The following LHFPL3 variants were observed in gnomAD, a reference collection of about 807,000 sequenced individuals.
The protein encoded by LHFPL3 is LHFPL tetraspan subfamily member 3, also known as LHFPL tetraspan subfamily member 3 protein.
In LHFPL3, 5 loss-of-function variants were observed where a neutral mutation model predicts 19.3. The observed-to-expected ratio is 0.26, with a 90% CI of 0.14 to 0.54. The LOEUF (loss-of-function observed/expected upper bound fraction) is 0.54, where lower values mean the gene tolerates loss of function less well. LHFPL3 is among the 20% of genes least tolerant of loss of function. The probability of loss-of-function intolerance (pLI) is 0.94; values close to 1 mark genes in which losing one functional copy is unlikely to be tolerated. For synonymous variants in LHFPL3, 133 were observed against 126.2 expected (o/e 1.05, Z -0.36); for missense variants, 249 against 307.4 (o/e 0.81, Z 1.42).
chr7:104,334,271 G>T (rs933493061), intron 1 of LHFPL3, among the ~76,000 whole-genome samples: 1 of 152,204 alleles, frequency 6.6e-6, no homozygotes, highest in East Asian at 1.9e-4. Flanking sequence ...GTTGGGCTGG[G>T]TGCAGTGGCT....
intron 1 of LHFPL3, among the ~76,000 whole-genome samples, chr7:104,685,175 C>G (rs546988114): frequency 6.6e-6 from 1 of 152,042 alleles, no homozygotes; most frequent in East Asian, 1.9e-4. Flanking sequence ...GATGAAACCC[C>G]ATCTCTACTA....
At chr7:104,795,090 T>G (rs1199886015) in intron 2 of LHFPL3, among the ~76,000 whole-genome samples, 1 of 152,214 alleles carries the variant, frequency 6.6e-6, no homozygotes, top group African/African-American at 2.4e-5. Context: ...CTGATTCTAC[T>G]AAGCCACCTG....
At chr7:104,597,138 CAAT>C (rs1390599919) in intron 1 of LHFPL3, among the ~76,000 whole-genome samples, 1 of 152,150 alleles carries the variant, frequency 6.6e-6, no homozygotes, top group African/African-American at 2.4e-5. Flanking sequence ...GATGTAACAA[CAAT>C]AATATTTTGC....
At chr7:104,898,332 G>A (rs1038532066) in intron 2 of LHFPL3, among the ~76,000 whole-genome samples, 6 of 151,952 alleles carry the variant, frequency 3.9e-5, no homozygotes, top group Admixed American at 1.3e-4. Flanking sequence ...TATATAGCCA[G>A]TACCACCCAT....
chr7:104,453,497 T>A (rs1444962514), intron 1 of LHFPL3, among the ~76,000 whole-genome samples: 1 of 151,982 alleles, frequency 6.6e-6, no homozygotes, highest in South Asian at 2.1e-4. Flanking sequence ...CATTCCTGGG[T>A]TGTAGAAAAT....
At chr7:104,894,188 T>C (rs1009552617) in intron 2 of LHFPL3, among the ~76,000 whole-genome samples, 9 of 152,116 alleles carry the variant, frequency 5.9e-5, no homozygotes, top group African/African-American at 2.2e-4. Flanking sequence ...CTACTCAGAG[T>C]CCTAATCAGT....
rs1007310638 is a variant in LHFPL3, at chr7:104,499,583, C to G, written c.445+170359C>G. On this transcript the variant is annotated intron_variant, in intron 1 of 2. Transcript: ENST00000424859. ...GAAAGTACTTCAAGAGAATGAGGGACTTCTTTGTGTTAGCTTTTGGTGCTC... is the reference window on the plus strand; with the variant it reads ...GAAAGTACTTCAAGAGAATGAGGGAGTTCTTTGTGTTAGCTTTTGGTGCTC... Among the ~76,000 whole-genome samples, 2 of 152,180 alleles carry G rather than the reference C, an allele frequency of 1.3e-5. 1 individual carries two copies. The highest frequency in any genetic ancestry group is 4.1e-4 in the South Asian group (2 of 4,832).
intron 1 of LHFPL3, among the ~76,000 whole-genome samples, chr7:104,670,861 G>GTTTTTTTTT (rs765180265): frequency 2.7e-5 from 4 of 146,448 alleles, no homozygotes; most frequent in Non-Finnish European, 6.1e-5. Context: ...AATGTGTTTT[G>GTTTTTTTTT]TTTTGTTTTT....
chr7:104,669,627 C>T (rs1253092653), intron 1 of LHFPL3: 10 of 1,503,888 alleles, frequency 6.6e-6, no homozygotes, highest in African/African-American at 4.2e-5. Context: ...CTGGAACATT[C>T]GAGAGCAAAT....
chr7:104,658,505 C>T (rs1051339142), intron 1 of LHFPL3, among the ~76,000 whole-genome samples: 3 of 152,162 alleles, frequency 2.0e-5, no homozygotes, highest in South Asian at 4.1e-4. Flanking sequence ...GGAGTACTCT[C>T]GTACCTCTAG....
chr7:104,519,179 T>G (rs1793993026), intron 1 of LHFPL3, among the ~76,000 whole-genome samples: 1 of 152,114 alleles, frequency 6.6e-6, no homozygotes, highest in Non-Finnish European at 1.5e-5. Context: ...GTACAAAGAT[T>G]TCCTGGAAAT....
At chr7:104,829,535 G>A (rs1035988756) in intron 2 of LHFPL3, among the ~76,000 whole-genome samples, 3 of 151,630 alleles carry the variant, frequency 2.0e-5, no homozygotes, top group African/African-American at 7.3e-5. Flanking sequence ...CTGTGTCCAG[G>A]TGTTCTCATT....
At chr7:104,566,024 A>T (rs1275152212) in intron 1 of LHFPL3, among the ~76,000 whole-genome samples, 1 of 151,950 alleles carries the variant, frequency 6.6e-6, no homozygotes, top group African/African-American at 2.4e-5. Context: ...AACTGGGAGG[A>T]AAGCTCTAAT....
At chr7:104,398,824 G>A (rs1489012652) in intron 1 of LHFPL3, among the ~76,000 whole-genome samples, 2 of 139,876 alleles carry the variant, frequency 1.4e-5, no homozygotes, top group Non-Finnish European at 3.1e-5. Flanking sequence ...ACCTCCTTCT[G>A]GAAATGTTTT....
rs978428389 is a variant in LHFPL3 at position 104,400,181 on chromosome 7, T to C, written c.445+70957T>C. Among the ~76,000 whole-genome samples the C allele has an allele frequency of 7.1e-5, 10 of 141,034 alleles. No homozygotes were observed. In the South Asian group the frequency reaches 2.2e-3, roughly 31 times the overall value. 92.5% of individuals were successfully genotyped at this position (141,034 alleles called of 152,430 possible). A position where few individuals can be genotyped will look rare whatever the true frequency, so the allele number is the denominator to read the frequency against. On this transcript the variant is annotated intron_variant, in intron 1 of 2. Transcript: ENST00000424859. The stretch of plus-strand genomic sequence containing the variant: ...AGGAGAGCTGAAATTTGACCTTCCA[T>C]GTGTTTTACAGGTTTATATCTTTGA...
At chr7:104,422,597 T>C (rs1000493254) in intron 1 of LHFPL3, among the ~76,000 whole-genome samples, 5 of 152,228 alleles carry the variant, frequency 3.3e-5, no homozygotes, top group Non-Finnish European at 5.9e-5. Flanking sequence ...TTAAACTGCC[T>C]GGGCTTGAAT....
chr7:104,496,806 C>G (rs948252838), intron 1 of LHFPL3, among the ~76,000 whole-genome samples: 1 of 152,176 alleles, frequency 6.6e-6, no homozygotes, highest in African/African-American at 2.4e-5. Flanking sequence ...ATGTTAGGAG[C>G]ACTGCACTTC....
At chr7:104,738,254 T>A (rs2116308135) in intron 2 of LHFPL3, among the ~76,000 whole-genome samples, 1 of 152,312 alleles carries the variant, frequency 6.6e-6, no homozygotes, top group South Asian at 2.1e-4. Flanking sequence ...TGAAGATAAT[T>A]ACACTTTTAT....
At chr7:104,780,234 G>A (rs1417573805) in intron 2 of LHFPL3, among the ~76,000 whole-genome samples, 1 of 151,972 alleles carries the variant, frequency 6.6e-6, no homozygotes, top group African/African-American at 2.4e-5. Context: ...TCCCAGGAAC[G>A]AAGAAGCCTT....
Sources: allele counts gnomAD v4.1 joint callset (sites outside exome capture counted in the v4.1 genomes callset), GRCh38; gene constraint gnomAD v4.1.1; transcripts MANE v1.5; gene names NCBI Gene and HGNC (gene_info 2026-07-23, HGNC 2026-07-21).